Variants in PAX2 observed in about 807,000 individuals in gnomAD.
PAX2 encodes the protein paired box 2.
PAX2 carries 9 observed loss-of-function variants against 41.7 expected under a neutral mutation model. The observed-to-expected ratio is 0.22, with a 90% confidence interval of 0.13 to 0.38. The LOEUF (loss-of-function observed/expected upper bound fraction) is 0.38. PAX2 is among the 10% of genes least tolerant of loss of function. The pLI is 1.00. For synonymous variants in PAX2, 221 were observed against 212.7 expected (o/e 1.04, Z -0.34); for missense variants, 418 against 531.6 (o/e 0.79, Z 2.10).
chr10:100,744,038 C>G (rs752310847), upstream of PAX2, among the ~76,000 whole-genome samples: 1 of 152,232 alleles, frequency 6.6e-6, no homozygotes, highest in Non-Finnish European at 1.5e-5. Flanking sequence ...CCTCGTCCCG[C>G]TGAGCCTGGC....
At position 100,809,112 on chromosome 10, in the gene PAX2, G is replaced by A. The variant is rs1453643280; in HGVS notation, c.795G>A (p.Gly265=). 1.2e-6 allele frequency: 2 copies of A among 1,613,410 alleles called. No individual in the cohort carries two copies. The highest frequency in any genetic ancestry group is 1.3e-5 in the African/African-American group (1 of 74,962). Residue 265 remains glycine, a splice_region_variant and synonymous_variant, in exon 7 of 10, where the codon GGG becomes GGA. Transcript: ENST00000355243. The part of the protein sequence containing the change: ...QASEHIKSEQ[G]NEYSLPALTP... ...GTCACTTTTCTCTCTCCTCCCAGGG[G>A]AACGAGTACTCCCTCCCAGCCCTGA...
intron 7 of PAX2, among the ~76,000 whole-genome samples, chr10:100,821,116 G>A (rs1848368481): frequency 6.6e-6 from 1 of 152,212 alleles, no homozygotes; most frequent in Non-Finnish European, 1.5e-5. Flanking sequence ...AAAGAGGCTT[G>A]CTCAAAGAAT....
At chr10:100,809,375 C>A in intron 7 of PAX2, 139 bp downstream of exon 7, 2 of 859,274 alleles carry the variant, frequency 2.3e-6, no homozygotes, top group South Asian at 1.5e-5. Context: ...AACCAGGGTG[C>A]TTCCTGAACA....
chr10:100,805,046 A>G (rs1847724435), intron 5 of PAX2, among the ~76,000 whole-genome samples: 1 of 148,806 alleles, frequency 6.7e-6, no homozygotes, highest in South Asian at 2.2e-4. Flanking sequence ...ACACACACAC[A>G]CACACACACA....
chr10:100,787,069 G>A lies in PAX2; in HGVS notation c.616+5704G>A, dbSNP rs114100017. 3.2e-4 allele frequency: 329 copies of A among 1,014,480 alleles called. 1 individual carries two copies. The African/African-American group carries it at 4.0e-3, about 12-fold the overall frequency. 62.8% of individuals were successfully genotyped at this position (1,014,480 alleles called of 1,614,324 possible). A position where few individuals can be genotyped will look rare whatever the true frequency, so the allele number is the denominator to read the frequency against. ...TCAAGGGAAATAGCTTGGGGGTGGC[G>A]GTTAGAGAACATTCAGAGAGTGGGT... On this transcript the variant is annotated intron_variant, in intron 5 of 9. Transcript: ENST00000355243.
At position 100,747,547 on chromosome 10, in the gene PAX2, A is replaced by T. The variant is rs1845238319; in HGVS notation, c.43+1244A>T. 5 of 872,066 alleles carry T rather than the reference A, an allele frequency of 5.7e-6. No homozygotes were observed. The Admixed American group carries it at 1.9e-4, about 33-fold the overall frequency. The allele number at this position is 872,066 out of a possible 1,614,324, so 54.0% of individuals were successfully genotyped here. ...CCTATCTGCAGATTAATAATTAAGG[A>T]TAATTTGTAACTTTTCACAAGGAAA... On this transcript the variant is annotated intron_variant, in intron 1 of 9. Transcript: ENST00000355243.
intron 5 of PAX2, among the ~76,000 whole-genome samples, chr10:100,782,443 G>A (rs1046180964): frequency 2.0e-5 from 3 of 152,258 alleles, no homozygotes; most frequent in African/African-American, 7.2e-5. Flanking sequence ...ACCCTCGGTA[G>A]GGGAAGCCTA....
chr10:100,751,529 G>T (rs1660284896), intron 3 of PAX2, among the ~76,000 whole-genome samples: 3 of 152,208 alleles, frequency 2.0e-5, no homozygotes, highest in Admixed American at 2.0e-4. Context: ...ACTGAACCTT[G>T]GGTGATACCC....
At chr10:100,816,573 G>C (rs1447827642) in intron 7 of PAX2, among the ~76,000 whole-genome samples, 1 of 152,192 alleles carries the variant, frequency 6.6e-6, no homozygotes, top group Non-Finnish European at 1.5e-5. Flanking sequence ...ACCTAGGCAA[G>C]ACCTGAAAAC....
chr10:100,800,897 C>A (rs994781908), intron 5 of PAX2, among the ~76,000 whole-genome samples: 9 of 152,210 alleles, frequency 5.9e-5, no homozygotes, highest in Admixed American at 2.0e-4. Flanking sequence ...GTAGCACATA[C>A]TAATTGCACA....
chr10:100,818,005 A>G (rs1848246203), intron 7 of PAX2, among the ~76,000 whole-genome samples: 1 of 152,190 alleles, frequency 6.6e-6, no homozygotes. Context: ...ATAACTGTGT[A>G]TTTTTGTAAG....
intron 3 of PAX2, among the ~76,000 whole-genome samples, chr10:100,775,241 G>C (rs569120072): frequency 7.9e-5 from 12 of 152,346 alleles, no homozygotes; most frequent in African/African-American, 2.9e-4. Flanking sequence ...ATTGGAGAAA[G>C]AGGAGGAGGA....
chr10:100,785,299 C>A (rs11190704), intron 5 of PAX2, among the ~76,000 whole-genome samples: 2 of 152,290 alleles, frequency 1.3e-5, no homozygotes, highest in East Asian at 3.9e-4. Flanking sequence ...GGTATTGAAG[C>A]GCAGGGCAGT....
In PAX2 at chr10:100,827,516, C is replaced by G. The variant is rs772877244; in HGVS notation, c.1109-27C>G. 1.2e-6 allele frequency: 2 copies of G among 1,609,848 alleles called. No individual in the cohort carries two copies. The highest frequency in any genetic ancestry group is 1.7e-6 in the Non-Finnish European group (2 of 1,176,264). ...TCTCCTGTTTGTCCTCTCACCCAGC[C>G]CATTCTTCTCCTGTGTTAACTTCCA... On this transcript the variant is annotated intron_variant, in intron 9 of 9. Transcript: ENST00000355243. This position sits in a 1 kb window ranked among gnomAD's most constrained non-coding sequence, Gnocchi z 8.5.
intron 6 of PAX2, among the ~76,000 whole-genome samples, chr10:100,808,179 C>G (rs1399614443): frequency 6.6e-6 from 1 of 152,278 alleles, no homozygotes; most frequent in East Asian, 1.9e-4. Context: ...CCGATCACAG[C>G]GAATTACTCT....
chr10:100,807,085 C>G (rs990710739), intron 6 of PAX2, among the ~76,000 whole-genome samples: 2 of 152,088 alleles, frequency 1.3e-5, no homozygotes, highest in Non-Finnish European at 1.5e-5. Flanking sequence ...GCCTCCTGCT[C>G]CCCAAGCCAG....
At chr10:100,816,502 C>A (rs576428325) in intron 7 of PAX2, among the ~76,000 whole-genome samples, 1 of 152,288 alleles carries the variant, frequency 6.6e-6, no homozygotes, top group Admixed American at 6.5e-5. Flanking sequence ...GACTGCTGTC[C>A]CAATGAAACA....
At chr10:100,773,528 C>T (rs947577125) in intron 3 of PAX2, among the ~76,000 whole-genome samples, 7 of 152,042 alleles carry the variant, frequency 4.6e-5, no homozygotes, top group African/African-American at 1.7e-4. Flanking sequence ...ACTTGGAAAC[C>T]CTGAGGCGGA....
chr10:100,760,484 A>C (rs1484703278), intron 3 of PAX2, among the ~76,000 whole-genome samples: 1 of 152,124 alleles, frequency 6.6e-6, no homozygotes, highest in Non-Finnish European at 1.5e-5. Context: ...AAGTTTGGGG[A>C]TGTGAACGCT....
Sources: gnomAD v4.1 joint callset for allele counts (sites outside exome capture counted in the v4.1 genomes callset) on GRCh38, gnomAD v4.1.1 for gene constraint, Gnocchi (gnomAD v3.1) non-coding constraint, MANE v1.5 for transcripts, NCBI Gene and HGNC (gene_info 2026-07-23, HGNC 2026-07-21) for gene names.